Variants in EML6 observed in about 807,000 individuals in gnomAD.
EML6 encodes the protein EMAP like 6.
Under a neutral mutation model 240.1 loss-of-function variants are expected in EML6, and 154 were observed. The observed-to-expected ratio is 0.64, with a 90% CI of 0.56 to 0.73. The LOEUF (loss-of-function observed/expected upper bound fraction) is 0.73. EML6 is among the 30% of genes least tolerant of loss of function. The probability of loss-of-function intolerance (pLI) is 0.00; values close to 1 mark genes in which losing one functional copy is unlikely to be tolerated. For missense variants in EML6, 2,964 were observed against 2,474.6 expected, an observed-to-expected ratio of 1.20 and a Z score of -4.20; for synonymous variants, 1,148 against 899.0, an observed-to-expected ratio of 1.28 and a Z score of -4.95.
intron 2 of EML6, among the ~76,000 whole-genome samples, chr2:54,805,381 CT>C (rs534542617): frequency 9.9e-5 from 15 of 152,158 alleles, no homozygotes; most frequent in Non-Finnish European, 2.2e-4. Context: ...TGCCAAAAGA[CT>C]TTTCAAAGTG....
chr2:54,853,974 C>A, intron 11 of EML6, 119 bp downstream of exon 11: 1 of 530,750 alleles, frequency 1.9e-6, no homozygotes, highest in Non-Finnish European at 3.1e-6. Context: ...CTTGTATATT[C>A]TTATTTACTT....
At chr2:54,902,800 C>A (rs1329528963) in intron 22 of EML6, among the ~76,000 whole-genome samples, 1 of 152,176 alleles carries the variant, frequency 6.6e-6, no homozygotes, top group Non-Finnish European at 1.5e-5. Flanking sequence ...GTCTCGAACT[C>A]CTGGGCTCAA....
chr2:54,810,805 T>G (rs963616979), intron 2 of EML6, among the ~76,000 whole-genome samples: 12 of 152,140 alleles, frequency 7.9e-5, no homozygotes, highest in Admixed American at 7.9e-4. Flanking sequence ...TCACGGAGCA[T>G]ACAATCTAGT....
At chr2:54,926,349 G>C (rs186393415) in intron 26 of EML6, among the ~76,000 whole-genome samples, 2,141 of 152,310 alleles carry the variant, frequency 0.014, 25 homozygotes, top group Non-Finnish European at 0.02. Flanking sequence ...TGATCTGCCC[G>C]CCTTGGCCTC....
chr2:54,854,032 CT>C (rs1194717945), intron 11 of EML6, among the ~76,000 whole-genome samples, 177 bp downstream of exon 11: 2 of 152,138 alleles, frequency 1.3e-5, no homozygotes, highest in Non-Finnish European at 2.9e-5. Flanking sequence ...CTTTTGACAT[CT>C]TAAGATATGT....
intron 2 of EML6, among the ~76,000 whole-genome samples, chr2:54,796,559 G>C (rs2103941077): frequency 6.6e-6 from 1 of 151,836 alleles, no homozygotes; most frequent in Middle Eastern, 3.4e-3. Flanking sequence ...TATCTTAAAG[G>C]AACACTTAAA....
rs920657188 is a variant in EML6 at position 54,724,342 on chromosome 2, C to T, written c.-513-207C>T. Among the ~76,000 whole-genome samples the T allele has an allele frequency of 4.6e-5, 7 of 152,120 alleles. No individual in the cohort carries two copies. Among genetic ancestry groups the T allele is most frequent in the African/African-American group, 1.7e-4 (7 of 41,410 alleles). On this transcript the variant is annotated intron_variant, in intron 1 of 41. Transcript: ENST00000356458. The surrounding 1 kb of genome is among the most constrained non-coding windows in gnomAD (Gnocchi z 5.2). ...CTTATTAGGGAAACAGCAAGCGTTC[C>T]TTCAAATCGCATCAGCAACTGCCAG... is the stretch of plus-strand genomic sequence containing the variant.
intron 13 of EML6, among the ~76,000 whole-genome samples, 177 bp from the exon 14 acceptor site, chr2:54,866,589 A>G (rs1364833221): frequency 6.6e-6 from 1 of 152,238 alleles, no homozygotes; most frequent in East Asian, 1.9e-4. Context: ...CCAATTATTT[A>G]AAAAATAGTT....
chr2:54,821,677 CAAAG>C (rs1432272770), intron 5 of EML6, among the ~76,000 whole-genome samples: 1 of 151,726 alleles, frequency 6.6e-6, no homozygotes, highest in Non-Finnish European at 1.5e-5. Context: ...GACTTGGATA[CAAAG>C]AAATAAAAAA....
rs1385802110 is a variant in EML6, at chr2:54,970,356, A to ACT, written c.*262_*263dup. The stretch of plus-strand genomic sequence containing the variant: ...GTTCCTGAGACTAAACAGTATACAT[A>ACT]CTAACTACATTGACAAAGAAATCCT... On this transcript the variant is annotated 3_prime_UTR_variant, in exon 42 of 42. Transcript: ENST00000356458. 3 of 475,564 alleles carry ACT rather than the reference A, an allele frequency of 6.3e-6. No individual in the cohort carries two copies. In the East Asian group the frequency reaches 9.6e-5, roughly 15 times the overall value. The allele number at this position is 475,564 out of a possible 1,614,324, so 29.5% of individuals were successfully genotyped here.
chr2:54,865,218 G>T (rs1275118019), intron 13 of EML6, among the ~76,000 whole-genome samples: 1 of 152,082 alleles, frequency 6.6e-6, no homozygotes, highest in Admixed American at 6.6e-5. Context: ...ACCAGGCACA[G>T]TGGCTCATTC....
At chr2:54,924,921 C>T (rs1416855613) in intron 26 of EML6, among the ~76,000 whole-genome samples, 2 of 152,100 alleles carry the variant, frequency 1.3e-5, no homozygotes, top group East Asian at 1.9e-4. Context: ...ATACATGAAT[C>T]TCTTGCCAAT....
intron 32 of EML6, 98 bp downstream of exon 32, chr2:54,954,254 C>T (rs982245322): frequency 8.3e-6 from 9 of 1,090,576 alleles, no homozygotes; most frequent in Admixed American, 2.7e-5. Flanking sequence ...CGAAGCCTGC[C>T]GTAGGCACTG....
chr2:54,953,902 A>AT, intron 31 of EML6, 81 bp from the exon 32 acceptor site: 4 of 1,097,904 alleles, frequency 3.6e-6, no homozygotes, highest in Non-Finnish European at 5.1e-6. Flanking sequence ...AAAAAAAAAA[A>AT]GGCTTTTACA....
intron 2 of EML6, among the ~76,000 whole-genome samples, chr2:54,812,764 T>C (rs927147974): frequency 6.6e-6 from 1 of 152,168 alleles, no homozygotes. Context: ...CTGGGACCCA[T>C]TCATGCTTTG....
At chr2:54,904,197 G>T (rs553909870) in intron 24 of EML6, among the ~76,000 whole-genome samples, 203 of 152,268 alleles carry the variant, frequency 1.3e-3, no homozygotes, top group Admixed American at 4.6e-3. Context: ...AATGGGTACC[G>T]TGTGAGTAAG....
chr2:54,889,553 A>G (rs914694172), intron 17 of EML6, among the ~76,000 whole-genome samples: 1 of 151,384 alleles, frequency 6.6e-6, no homozygotes, highest in Non-Finnish European at 1.5e-5. Context: ...TTTATTGTTT[A>G]TAAATAGAGT....
chr2:54,840,602 A>T (rs1438814), intron 7 of EML6, among the ~76,000 whole-genome samples: 101,964 of 152,048 alleles, frequency 0.67, 34,636 homozygotes, highest in East Asian at 0.89. Flanking sequence ...AATATATCCC[A>T]TCTTTGAATG....
rs1227409334 is a variant in EML6 at position 54,879,825 on chromosome 2, G to A, written c.2438+185G>A. 10 of 575,528 alleles carry A rather than the reference G, an allele frequency of 1.7e-5. No individual in the cohort carries two copies. In the South Asian group the frequency reaches 2.1e-4, roughly 12 times the overall value. 35.7% of individuals were successfully genotyped at this position (575,528 alleles called of 1,614,324 possible). Reference sequence around the variant, plus strand: ...CCAAACCTGACTTAGAGCAGGTCATGTTTGTTGCGGTGAATCAGAAAATTC... The same window carrying A: ...CCAAACCTGACTTAGAGCAGGTCATATTTGTTGCGGTGAATCAGAAAATTC... On this transcript the variant is annotated intron_variant, in intron 17 of 41. Coordinates refer to ENST00000356458, the MANE Select transcript of EML6 (RefSeq NM_001039753.4).
Sources: gnomAD v4.1 joint callset for allele counts (sites outside exome capture counted in the v4.1 genomes callset) on GRCh38, gnomAD v4.1.1 for gene constraint, Gnocchi (gnomAD v3.1) non-coding constraint, MANE v1.5 for transcripts, NCBI Gene and HGNC (gene_info 2026-07-23, HGNC 2026-07-21) for gene names.